NELL1: variants seen among roughly 807,000 people sequenced by gnomAD.
NELL1 encodes the protein protein kinase C-binding protein NELL1.
NELL1 carries 76 observed loss-of-function variants against 107.4 expected under a neutral mutation model. The observed-to-expected ratio is 0.71, with a 90% CI of 0.59 to 0.86. The LOEUF (loss-of-function observed/expected upper bound fraction) is 0.86. Ranked by LOEUF, NELL1 falls within the 40% of genes least tolerant of loss-of-function variation. The probability of loss-of-function intolerance (pLI) is 0.00; values close to 1 mark genes in which losing one functional copy is unlikely to be tolerated. For missense variants in NELL1, 1,024 were observed against 1,005.5 expected (o/e 1.02, Z -0.25); for synonymous variants, 353 against 341.2 (o/e 1.03, Z -0.38).
intron 15 of NELL1, among the ~76,000 whole-genome samples, chr11:21,420,425 G>A (rs1016745708): frequency 1.3e-5 from 2 of 152,058 alleles, no homozygotes; most frequent in Non-Finnish European, 2.9e-5. Flanking sequence ...GAGGAAAGGA[G>A]GTGATAGTGG....
intron 9 of NELL1, among the ~76,000 whole-genome samples, chr11:20,933,384 C>G (rs1326337061): frequency 6.6e-6 from 1 of 152,120 alleles, no homozygotes; most frequent in African/African-American, 2.4e-5. Flanking sequence ...GGGAGACTCA[C>G]GGTGTGATTA....
chr11:21,268,264 C>T (rs75450540), intron 14 of NELL1, among the ~76,000 whole-genome samples: 108 of 152,232 alleles, frequency 7.1e-4, no homozygotes, highest in Middle Eastern at 6.8e-3. Flanking sequence ...GAGGCCCTCA[C>T]ACTTTTGTGA....
At chr11:20,728,805 A>T (rs1412116887) in intron 2 of NELL1, among the ~76,000 whole-genome samples, 1 of 152,098 alleles carries the variant, frequency 6.6e-6, no homozygotes, top group African/African-American at 2.4e-5. Context: ...TTTTGGTTCC[A>T]TGTGAATTTC....
chr11:21,355,847 C>T (rs1329453968), intron 14 of NELL1, among the ~76,000 whole-genome samples: 1 of 152,146 alleles, frequency 6.6e-6, no homozygotes, highest in Non-Finnish European at 1.5e-5. Flanking sequence ...TTCTTGGCAC[C>T]TCCTCTTGAC....
intron 5 of NELL1, among the ~76,000 whole-genome samples, chr11:20,899,293 G>C (rs1849820749): frequency 6.6e-6 from 1 of 152,092 alleles, no homozygotes; most frequent in Non-Finnish European, 1.5e-5. Flanking sequence ...CATATTCTCT[G>C]ATGACAGTGC....
intron 3 of NELL1, among the ~76,000 whole-genome samples, chr11:20,839,948 G>T (rs1848593004): frequency 6.6e-6 from 1 of 152,200 alleles, no homozygotes; most frequent in Admixed American, 6.5e-5. Flanking sequence ...CACCAACGGG[G>T]CCACTTCCAT....
intron 12 of NELL1, among the ~76,000 whole-genome samples, chr11:20,971,450 T>C (rs1851499700): frequency 1.3e-5 from 2 of 152,136 alleles, no homozygotes; most frequent in Admixed American, 1.3e-4. Context: ...GCTTTAAACT[T>C]TTTTGGTTAT....
chr11:21,210,666 A>C (rs968207709), intron 13 of NELL1, among the ~76,000 whole-genome samples: 1 of 152,162 alleles, frequency 6.6e-6, no homozygotes, highest in Non-Finnish European at 1.5e-5. Flanking sequence ...GTTTTCTCTT[A>C]CTGTGTGTCT....
At chr11:20,798,060 C>T (rs1205828632) in intron 3 of NELL1, among the ~76,000 whole-genome samples, 1 of 152,072 alleles carries the variant, frequency 6.6e-6, no homozygotes, top group East Asian at 1.9e-4. Context: ...ATCTTTATGC[C>T]TAGCACAGTG....
At chr11:20,863,743 A>C (rs925422193) in intron 4 of NELL1, among the ~76,000 whole-genome samples, 14 of 152,148 alleles carry the variant, frequency 9.2e-5, no homozygotes, top group Non-Finnish European at 1.6e-4. Context: ...GCACTCTGGG[A>C]GGCCAAGGCA....
At chr11:20,814,246 G>A (rs1422103437) in intron 3 of NELL1, among the ~76,000 whole-genome samples, 2 of 152,052 alleles carry the variant, frequency 1.3e-5, no homozygotes, top group Non-Finnish European at 2.9e-5. Flanking sequence ...CGCCCGCCTC[G>A]GCCTCCCAAA....
At chr11:21,220,289 A>G (rs1857722051) in intron 13 of NELL1, among the ~76,000 whole-genome samples, 1 of 152,188 alleles carries the variant, frequency 6.6e-6, no homozygotes, top group Non-Finnish European at 1.5e-5. Context: ...GAAGTCAGGT[A>G]GTGTGATGTC....
chr11:20,675,857 T>G (rs544719550), intron 1 of NELL1, among the ~76,000 whole-genome samples: 1 of 152,086 alleles, frequency 6.6e-6, no homozygotes, highest in South Asian at 2.1e-4. Flanking sequence ...GCTTCCTGGG[T>G]GCAGGTGATC....
In NELL1 at chr11:20,988,431, A is replaced by G. The variant is rs771475064; in HGVS notation, c.1300+27871A>G. On this transcript the variant is annotated intron_variant, in intron 12 of 19. Transcript: ENST00000357134. ...TATATACACATGTACATATGTGTGTATATATATCTATATATACACATGTAC... is the reference window on the plus strand; with the variant it reads ...TATATACACATGTACATATGTGTGTGTATATATCTATATATACACATGTAC... 3.1e-4 allele frequency among the ~76,000 whole-genome samples: 38 copies of G among 121,112 alleles called. No individual in the cohort carries two copies. The South Asian group carries it at 7.2e-3, about 23-fold the overall frequency. 79.5% of individuals were successfully genotyped at this position (121,112 alleles called of 152,430 possible).
In NELL1 at chr11:21,515,927, C is replaced by T. The variant is rs112860090; in HGVS notation, c.1646-18447C>T. Among the ~76,000 whole-genome samples, 122 of 152,284 alleles carry T rather than the reference C, an allele frequency of 8.0e-4. 1 individual carries two copies. The highest frequency in any genetic ancestry group is 2.8e-3 in the African/African-American group (117 of 41,556). On this transcript the variant is annotated intron_variant, in intron 15 of 19. Coordinates refer to ENST00000357134, the MANE Select transcript of NELL1 (RefSeq NM_006157.5). ...ATGCAGAGCTGGCCCTGGGTGTCTT[C>T]TCAGCAATGCTGTTGCTTCTCAGTA...
intron 2 of NELL1, among the ~76,000 whole-genome samples, chr11:20,765,853 GT>G (rs1002783773): frequency 2.9e-4 from 44 of 152,304 alleles, no homozygotes; most frequent in African/African-American, 1.0e-3. Flanking sequence ...ATTGACCACT[GT>G]TACCATTTCC....
At chr11:20,848,973 A>G (rs1343632268) in intron 4 of NELL1, among the ~76,000 whole-genome samples, 1 of 152,214 alleles carries the variant, frequency 6.6e-6, no homozygotes, top group East Asian at 1.9e-4. Flanking sequence ...GAGTTTCCAT[A>G]GAAACCACTA....
At chr11:21,483,289 A>G (rs1304847940) in intron 15 of NELL1, among the ~76,000 whole-genome samples, 1 of 152,206 alleles carries the variant, frequency 6.6e-6, no homozygotes, top group Non-Finnish European at 1.5e-5. Flanking sequence ...TTTACCATGA[A>G]TATAGTCGAC....
chr11:21,548,570 A>G (rs928996423), intron 16 of NELL1, among the ~76,000 whole-genome samples: 4 of 151,910 alleles, frequency 2.6e-5, no homozygotes, highest in African/African-American at 9.7e-5. Flanking sequence ...TACCATGAGA[A>G]CAGTCTGGGG....
Sources: allele counts gnomAD v4.1 joint callset (sites outside exome capture counted in the v4.1 genomes callset), GRCh38; gene constraint gnomAD v4.1.1; transcripts MANE v1.5; gene names NCBI Gene and HGNC (gene_info 2026-07-23, HGNC 2026-07-21).